The following GALNT10 variants were observed in gnomAD, a reference collection of about 807,000 sequenced individuals.
GALNT10 encodes GalNAc transferase 10.
In GALNT10, 41 loss-of-function variants were observed where a neutral mutation model predicts 75.0. The ratio of observed to expected loss-of-function variants is 0.55; its 90% confidence interval spans 0.43 to 0.71. The LOEUF (loss-of-function observed/expected upper bound fraction) is 0.71, where lower values mean the gene tolerates loss of function less well. GALNT10 is among the 30% of genes least tolerant of loss of function. The pLI is 0.00. For missense variants in GALNT10, 727 were observed against 818.5 expected, an observed-to-expected ratio of 0.89 and a Z score of 1.36; for synonymous variants, 302 against 313.0, an observed-to-expected ratio of 0.96 and a Z score of 0.37.
chr5:154,303,167 C>T (rs1754385258), intron 3 of GALNT10, among the ~76,000 whole-genome samples: 1 of 152,152 alleles, frequency 6.6e-6, no homozygotes, highest in African/African-American at 2.4e-5. Context: ...AGACACTGGA[C>T]ATCAGGCAGT....
intron 1 of GALNT10, among the ~76,000 whole-genome samples, chr5:154,282,735 T>C (rs1754056769): frequency 6.6e-6 from 1 of 152,226 alleles, no homozygotes; most frequent in Non-Finnish European, 1.5e-5. Context: ...AACCCTTTTA[T>C]GGTATTAAAT....
intron 7 of GALNT10, among the ~76,000 whole-genome samples, chr5:154,390,450 T>C (rs1755876962): frequency 2.0e-5 from 3 of 152,248 alleles, no homozygotes; most frequent in African/African-American, 7.2e-5. Context: ...TCACCACCTA[T>C]GTATAAACTA....
intron 1 of GALNT10, among the ~76,000 whole-genome samples, chr5:154,260,933 A>G (rs1478570016): frequency 2.0e-5 from 3 of 152,210 alleles, no homozygotes; most frequent in African/African-American, 4.8e-5. Context: ...AAGGGAATGT[A>G]TAAATACTGC....
intron 3 of GALNT10, among the ~76,000 whole-genome samples, chr5:154,303,654 CCTAGA>C (rs1383318086): frequency 6.6e-5 from 10 of 152,012 alleles, no homozygotes; most frequent in Non-Finnish European, 1.5e-4. Context: ...TCTAATCAGC[CCTAGA>C]CTAAACAGTG....
At chr5:154,239,670 C>G (rs1032172519) in intron 1 of GALNT10, among the ~76,000 whole-genome samples, 5 of 152,266 alleles carry the variant, frequency 3.3e-5, no homozygotes, top group African/African-American at 1.2e-4. Flanking sequence ...AATCGAACAT[C>G]ATTTATTGGC....
chr5:154,305,727 A>G (rs142549722), intron 3 of GALNT10, among the ~76,000 whole-genome samples: 3 of 152,334 alleles, frequency 2.0e-5, no homozygotes, highest in Non-Finnish European at 2.9e-5. Flanking sequence ...TGATAAAACT[A>G]TAAGGAGAGG....
intron 7 of GALNT10, chr5:154,386,743 A>G: frequency 1.9e-6 from 1 of 537,150 alleles, no homozygotes; most frequent in Admixed American, 3.8e-5. Context: ...CAGGTCTGAG[A>G]TTGAGATGTC....
intron 1 of GALNT10, among the ~76,000 whole-genome samples, chr5:154,243,260 G>C (rs962273886): frequency 1.2e-4 from 19 of 152,210 alleles, no homozygotes; most frequent in African/African-American, 4.3e-4. Context: ...CTCGGGAACA[G>C]GGACTACTCT....
rs367652861 is a variant in GALNT10, at chr5:154,192,516, A to G, written c.159+1491A>G. ...GTTCCAGGGTTCTGACCTCAGCTCT[A>G]CCACTAACTTACTGTGTGTGTCCTT... On this transcript the variant is annotated intron_variant, in intron 1 of 11. Transcript: ENST00000297107. 2.0e-5 allele frequency among the ~76,000 whole-genome samples: 3 copies of G among 152,364 alleles called. No individual in the cohort carries two copies. The East Asian group carries it at 5.8e-4, about 29-fold the overall frequency.
At chr5:154,287,890 CTGTGTGTG>C (rs61253851) in intron 1 of GALNT10, among the ~76,000 whole-genome samples, 30 of 145,342 alleles carry the variant, frequency 2.1e-4, no homozygotes, top group Non-Finnish European at 3.8e-4. Flanking sequence ...AATTGCTTTG[CTGTGTGTG>C]TGTGTGTGTG....
rs1163443007 is a variant in GALNT10, at chr5:154,420,518, T to C, written c.*3546T>C. ...TAATTCCTAGGAGGTAATGCATTTT[T>C]AATGTTTTCTGAAGCTTTGTAAGTG... On this transcript the variant is annotated 3_prime_UTR_variant, in exon 12 of 12. Coordinates refer to ENST00000297107, the MANE Select transcript of GALNT10 (RefSeq NM_198321.4). 6.6e-6 allele frequency: 1 copy of C among 152,228 alleles called. No homozygotes were observed. Among genetic ancestry groups the C allele is most frequent in the Admixed American group, 6.5e-5 (1 of 15,286 alleles). The allele number at this position is 152,228 out of a possible 1,614,324, so 9.4% of individuals were successfully genotyped here. A position where few individuals can be genotyped will look rare whatever the true frequency, so the allele number is the denominator to read the frequency against.
chr5:154,236,790 C>T (rs973939954), intron 1 of GALNT10, among the ~76,000 whole-genome samples: 24 of 152,194 alleles, frequency 1.6e-4, no homozygotes, highest in Non-Finnish European at 2.5e-4. Flanking sequence ...AATGTACCAC[C>T]GAGCTGGAAA....
At position 154,376,576 on chromosome 5, in the gene GALNT10, C is replaced by G; in HGVS notation, c.754+114C>G. ...CCTTCCCTTGCCTGTTCGAGATGCC[C>G]CCAGCACAATGCCAGGTGCCATGAG... On this transcript the variant is annotated intron_variant, in intron 5 of 11. Coordinates refer to ENST00000297107, the MANE Select transcript of GALNT10 (RefSeq NM_198321.4). This position sits in a 1 kb window ranked among gnomAD's most constrained non-coding sequence, Gnocchi z 4.1. 1 of 659,744 alleles carries G rather than the reference C, an allele frequency of 1.5e-6. No homozygotes were observed. Among genetic ancestry groups the G allele is most frequent in the South Asian group, 2.3e-5 (1 of 43,958 alleles). The allele number at this position is 659,744 out of a possible 1,614,324, so 40.9% of individuals were successfully genotyped here.
chr5:154,305,919 G>A (rs1381473427), intron 3 of GALNT10, among the ~76,000 whole-genome samples: 1 of 152,150 alleles, frequency 6.6e-6, no homozygotes, highest in Non-Finnish European at 1.5e-5. Context: ...TCAGGAAGGT[G>A]AAGCAGGAGA....
chr5:154,197,724 ATAG>A (rs1260241085), intron 1 of GALNT10, among the ~76,000 whole-genome samples: 1 of 152,220 alleles, frequency 6.6e-6, no homozygotes, highest in Non-Finnish European at 1.5e-5. Context: ...GATAATGTTA[ATAG>A]TAGTAATAGC....
At chr5:154,221,698 T>C (rs1226876105) in intron 1 of GALNT10, among the ~76,000 whole-genome samples, 1 of 152,216 alleles carries the variant, frequency 6.6e-6, no homozygotes. Context: ...ACTTGGGTAC[T>C]GAAGAAATTA....
chr5:154,383,633 G>C (rs934036454), intron 6 of GALNT10, among the ~76,000 whole-genome samples: 1 of 152,072 alleles, frequency 6.6e-6, no homozygotes, highest in South Asian at 2.1e-4. Flanking sequence ...CCTCAGCCCC[G>C]GCCCCTGCTT....
At chr5:154,198,336 A>G (rs562078228) in intron 1 of GALNT10, among the ~76,000 whole-genome samples, 37 of 152,328 alleles carry the variant, frequency 2.4e-4, no homozygotes, top group Admixed American at 2.4e-3. Flanking sequence ...CCCAAACACA[A>G]TGCTTGGTAC....
chr5:154,386,340 C>T lies in GALNT10; in HGVS notation c.966C>T (p.Phe322=), dbSNP rs757615516. 5.0e-6 allele frequency: 8 copies of T among 1,613,958 alleles called. No homozygotes were observed. Among genetic ancestry groups the T allele is most frequent in the South Asian group, 1.1e-5 (1 of 91,068 alleles). ...CTCCCGTGATGGCCGGTGGACTGTT[C>T]GCCGTGGATCGGAAGTGGTTCTGGG... ...FESPVMAGGL[F]AVDRKWFWEL... The change falls in exon 7 of 12, where the codon TTC becomes TTT. Residue 322 remains phenylalanine (F), a synonymous_variant. Coordinates refer to ENST00000297107, the MANE Select transcript of GALNT10 (RefSeq NM_198321.4).
Sources: allele counts gnomAD v4.1 joint callset (sites outside exome capture counted in the v4.1 genomes callset), GRCh38; gene constraint gnomAD v4.1.1; non-coding constraint Gnocchi (gnomAD v3.1); transcripts MANE v1.5; gene names NCBI Gene and HGNC (gene_info 2026-07-23, HGNC 2026-07-21).